The following BBC3 variants were observed in gnomAD, a reference collection of about 807,000 sequenced individuals.
The protein encoded by BBC3 is bcl-2-binding component 3.
In BBC3, 5 loss-of-function variants were observed where a neutral mutation model predicts 18.2. The ratio of observed to expected loss-of-function variants is 0.27; its 90% CI spans 0.14 to 0.58. BBC3 has a LOEUF of 0.58. Ranked by LOEUF, BBC3 falls within the 20% of genes least tolerant of loss-of-function variation. BBC3 has a pLI of 0.91. For missense variants in BBC3, 224 were observed against 268.9 expected, an observed-to-expected ratio of 0.83 and a Z score of 1.17; for synonymous variants, 119 against 128.0, an observed-to-expected ratio of 0.93 and a Z score of 0.47.
In BBC3 at chr19:47,230,548, C is replaced by A. The variant is rs1484202694; in HGVS notation, c.-16+381G>T. 1.3e-5 allele frequency among the ~76,000 whole-genome samples: 2 copies of A among 151,234 alleles called. No homozygotes were observed. The highest frequency in any genetic ancestry group is 6.6e-5 in the Admixed American group (1 of 15,186). ...GCCCCCCGTCGCCGCCCCCAGCGGG[C>A]GCGCGCCCTGGGTGTGGCCGCCCCT... On this transcript the variant is annotated intron_variant, in intron 1 of 3. Transcript: ENST00000439096. This position sits in a 1 kb window ranked among gnomAD's most constrained non-coding sequence, Gnocchi z 6.7.
rs1425337655 is a variant in BBC3, at chr19:47,221,798, G to A, written c.*4C>T. The A allele has an allele frequency of 6.2e-7, 1 of 1,611,228 alleles. No homozygotes were observed. The highest frequency in any genetic ancestry group is 8.5e-7 in the Non-Finnish European group (1 of 1,179,248). On this transcript the variant is annotated 3_prime_UTR_variant, in exon 4 of 4. Coordinates refer to ENST00000439096, the MANE Select transcript of BBC3 (RefSeq NM_014417.5). ...CCTGACGTCCACCGGGCGGGTGCAG[G>A]CACCTAATTGGGCTCCATCTCGGGG...
At chr19:47,232,745 C>G, upstream of BBC3, 1 of 690,956 alleles carries the variant, frequency 1.4e-6, no homozygotes, top group Non-Finnish European at 2.4e-6. Context: ...CTTACTGGGT[C>G]TCACCCAATC....
chr19:47,231,206 C>T (rs1169057951), upstream of BBC3: 2 of 982,124 alleles, frequency 2.0e-6, no homozygotes, highest in Non-Finnish European at 1.2e-6. This position sits in a 1 kb window ranked among gnomAD's most constrained non-coding sequence, Gnocchi z 4.0. Context: ...TCTCAGGCCG[C>T]CCGGCGGATC....
chr19:47,227,311 G>GGCCCCCCC (rs2058841719), intron 2 of BBC3: 1 of 89,230 alleles, frequency 1.1e-5, no homozygotes. Context: ...ATGCCTTCCT[G>GGCCCCCCC]CCCCCCCCCC....
intron 2 of BBC3, 76 bp from the exon 3 acceptor site, chr19:47,226,830 T>C: frequency 8.1e-7 from 1 of 1,239,040 alleles, no homozygotes; most frequent in Non-Finnish European, 1.0e-6. Flanking sequence ...GCTCCCCTCT[T>C]TCCCAGCCAC....
At chr19:47,231,660 TCA>T (rs748574177), upstream of BBC3, among the ~76,000 whole-genome samples, 3 of 151,598 alleles carry the variant, frequency 2.0e-5, no homozygotes, top group East Asian at 3.9e-4. The surrounding 1 kb of genome is among the most constrained non-coding windows in gnomAD (Gnocchi z 4.0). Flanking sequence ...GCACACACAC[TCA>T]CATACTGATG....
At chr19:47,225,912 C>T (rs2058810989) in intron 3 of BBC3, among the ~76,000 whole-genome samples, 1 of 152,184 alleles carries the variant, frequency 6.6e-6, no homozygotes, top group Non-Finnish European at 1.5e-5. Context: ...AGGAGCTTCA[C>T]CACATGCGTT....
intron 3 of BBC3, among the ~76,000 whole-genome samples, chr19:47,225,907 C>G (rs1034732427): frequency 1.7e-4 from 26 of 152,168 alleles, no homozygotes; most frequent in Admixed American, 6.5e-5. Flanking sequence ...GAGTAAGGAG[C>G]TTCACCACAT....
chr19:47,226,772 G>A lies in BBC3; in HGVS notation c.275-18C>T. ...CTGAGGACCTTGGAGAGGCAGAGGG[G>A]CGCGGTCAGCACCCACCACCCCTCC... On this transcript the variant is annotated intron_variant, in intron 2 of 3. Coordinates refer to ENST00000439096, the MANE Select transcript of BBC3 (RefSeq NM_014417.5). 7.2e-7 allele frequency: 1 copy of A among 1,384,530 alleles called. No individual in the cohort carries two copies. Among genetic ancestry groups the A allele is most frequent in the Non-Finnish European group, 9.3e-7 (1 of 1,073,284 alleles). The allele number at this position is 1,384,530 out of a possible 1,614,324, so 85.8% of individuals were successfully genotyped here. A position where few individuals can be genotyped will look rare whatever the true frequency, so the allele number is the denominator to read the frequency against.
At chr19:47,232,434 C>T (rs1251931757), upstream of BBC3, 290 of 1,289,036 alleles carry the variant, frequency 2.2e-4, 5 homozygotes, top group South Asian at 3.6e-3. Flanking sequence ...CCACACATGT[C>T]ACAAAGTCAC....
chr19:47,232,124 C>T (rs2058920802), upstream of BBC3, among the ~76,000 whole-genome samples: 2 of 152,092 alleles, frequency 1.3e-5, no homozygotes, highest in African/African-American at 4.8e-5. Context: ...GGCCAAGGTG[C>T]GTGGACTGCC....
chr19:47,226,979 C>T (rs1199347781), intron 2 of BBC3: 2 of 425,918 alleles, frequency 4.7e-6, no homozygotes, highest in East Asian at 3.7e-5. Context: ...TCCCCACGGC[C>T]CTTGTCAGTG....
chr19:47,223,866 C>T (rs1466733780), intron 3 of BBC3, among the ~76,000 whole-genome samples: 2 of 152,182 alleles, frequency 1.3e-5, no homozygotes, highest in Admixed American at 6.5e-5. Context: ...ACCACTGTCA[C>T]ACTGCTGTGG....
At chr19:47,232,621 A>G, upstream of BBC3, 2 of 1,520,674 alleles carry the variant, frequency 1.3e-6, no homozygotes, top group African/African-American at 2.8e-5. Flanking sequence ...ATAGCTTTCC[A>G]TTCCGTTTCT....
intron 2 of BBC3, chr19:47,227,041 C>A (rs1388698431): frequency 3.1e-6 from 1 of 322,174 alleles, no homozygotes; most frequent in African/African-American, 2.1e-5. Context: ...GGCTTAACGA[C>A]CTCTATTTTC....
rs1465613218 is a variant in BBC3 at position 47,221,499 on chromosome 19, G to A, written c.*303C>T. The A allele has an allele frequency of 9.1e-5, 44 of 485,052 alleles. No individual in the cohort carries two copies. The South Asian group carries it at 1.2e-3, about 13-fold the overall frequency. 30.0% of individuals were successfully genotyped at this position (485,052 alleles called of 1,614,324 possible). A position where few individuals can be genotyped will look rare whatever the true frequency, so the allele number is the denominator to read the frequency against. On this transcript the variant is annotated 3_prime_UTR_variant, in exon 4 of 4. Transcript: ENST00000439096. ...AACAGCCTTTCCTGAGATGGTGGTGGGCGGCAGAGGCGGGCGGCTCAGTCC... is the reference window on the plus strand; with the variant it reads ...AACAGCCTTTCCTGAGATGGTGGTGAGCGGCAGAGGCGGGCGGCTCAGTCC...
At chr19:47,223,839 TGTAA>T (rs954208093) in intron 3 of BBC3, among the ~76,000 whole-genome samples, 7 of 152,086 alleles carry the variant, frequency 4.6e-5, no homozygotes, top group African/African-American at 1.7e-4. Context: ...ATCGGATTGG[TGTAA>T]GTTACAAAAC....
chr19:47,224,181 G>C (rs2058784067), intron 3 of BBC3, among the ~76,000 whole-genome samples: 1 of 152,118 alleles, frequency 6.6e-6, no homozygotes. Context: ...TGTAATCTCA[G>C]CTACTTGGGA....
chr19:47,228,324 G>T lies in BBC3; in HGVS notation c.108C>A (p.Ser36=). 8.1e-7 allele frequency: 1 copy of T among 1,227,900 alleles called. No individual in the cohort carries two copies. The highest frequency in any genetic ancestry group is 1.0e-6 in the Non-Finnish European group (1 of 985,742). The allele number at this position is 1,227,900 out of a possible 1,614,324, so 76.1% of individuals were successfully genotyped here. ...PLGRLVPSAV[S]CGLCEPGLAA... is the part of the protein sequence containing the mutation. Reference sequence around the variant, plus strand: ...CCAGGCCGGGCTCGCAGAGGCCGCAGGACACTGCCGAGGGCACCAGGCGGC... The same window carrying T: ...CCAGGCCGGGCTCGCAGAGGCCGCATGACACTGCCGAGGGCACCAGGCGGC... The change falls in exon 2 of 4, where the codon TCC becomes TCA. Residue 36 remains serine, a synonymous_variant. Transcript: ENST00000439096. This position sits in a 1 kb window ranked among gnomAD's most constrained non-coding sequence, Gnocchi z 5.5.
Sources: gnomAD v4.1 joint callset for allele counts (sites outside exome capture counted in the v4.1 genomes callset) on GRCh38, gnomAD v4.1.1 for gene constraint, Gnocchi (gnomAD v3.1) non-coding constraint, MANE v1.5 for transcripts, NCBI Gene and HGNC (gene_info 2026-07-23, HGNC 2026-07-21) for gene names.